Variants in GYG2 observed in about 807,000 individuals in gnomAD.
GYG2 encodes glycogenin 2.
A neutral mutation model predicts 29.4 loss-of-function variants in GYG2; 29 were observed. The observed-to-expected ratio is 0.99, with a 90% CI of 0.74 to 1.35. GYG2 has a LOEUF of 1.35. Ranked by LOEUF, GYG2 falls within the 40% of genes most tolerant of loss-of-function variation. The probability of loss-of-function intolerance (pLI) is 0.00; values close to 1 mark genes in which losing one functional copy is unlikely to be tolerated. For missense variants in GYG2, 370 were observed against 385.7 expected (o/e 0.96, Z 0.34); for synonymous variants, 167 against 172.3 (o/e 0.97, Z 0.24).
chrX:2,878,238 T>C (rs1569076951), intron 10 of GYG2: 15 of 721,647 alleles, frequency 2.1e-5, no homozygotes, highest in Non-Finnish European at 2.3e-5. Flanking sequence ...AGCCATGTGG[T>C]AGGTTTGGGA....
At position 2,830,320 on chromosome X, in the gene GYG2, TAC is replaced by T. The variant is rs745362207; in HGVS notation, c.7+126_7+127del. ...TGCCCCAAACCCCGAGTCTCCCCCT[TAC>T]TGCCTCGCCCAGGTCTCTCTGGGGC... On this transcript the variant is annotated intron_variant, in intron 2 of 10. Transcript: ENST00000398806. The T allele has an allele frequency of 5.0e-5, 30 of 604,765 alleles. No homozygotes were observed. The East Asian group carries it at 1.1e-3, about 22-fold the overall frequency. The allele number at this position is 604,765 out of a possible 1,213,427, so 49.8% of individuals were successfully genotyped here.
At chrX:2,850,167 G>T (rs2087837613) in intron 3 of GYG2, among the ~76,000 whole-genome samples, 1 of 110,586 alleles carries the variant, frequency 9.0e-6, no homozygotes, top group African/African-American at 3.3e-5. Flanking sequence ...ATAGAAGAGA[G>T]CACACAGGAA....
rs190307550 is a variant in GYG2 at position 2,853,922 on chromosome X, G to T, written c.150-58G>T. 1.8e-5 allele frequency: 15 copies of T among 832,102 alleles called. No individual in the cohort carries two copies. In the East Asian group the frequency reaches 4.7e-4, roughly 26 times the overall value. 68.6% of individuals were successfully genotyped at this position (832,102 alleles called of 1,213,427 possible). On this transcript the variant is annotated intron_variant, in intron 3 of 10. Transcript: ENST00000398806. ...AAACAGCACCCTCTTGAAGGAGGAG[G>T]TGGTTCTGTGCTGAATATTCACCCG...
At chrX:2,854,232 T>TG in intron 4 of GYG2, 78 bp downstream of exon 4, 1 of 732,392 alleles carries the variant, frequency 1.4e-6, no homozygotes, top group Non-Finnish European at 2.0e-6. Context: ...CAACTTTTTT[T>TG]TGTGTGTGTG....
At chrX:2,877,162 G>C in intron 9 of GYG2, 38 bp from the exon 10 acceptor site, 10 of 1,201,897 alleles carry the variant, frequency 8.3e-6, no homozygotes, top group Non-Finnish European at 1.1e-5. Flanking sequence ...GTTCCCTGCA[G>C]CCCACCGCAG....
intron 2 of GYG2, among the ~76,000 whole-genome samples, chrX:2,837,336 A>T (rs766762159): frequency 2.3e-3 from 255 of 112,176 alleles, no homozygotes; most frequent in Non-Finnish European, 4.0e-3. Flanking sequence ...GGCACGCTAA[A>T]TATTCTGCAA....
chrX:2,843,330 C>G lies in GYG2; in HGVS notation c.125C>G (p.Thr42Ser). Residue 42 changes from threonine to serine, a missense_variant, in exon 3 of 11, where the codon ACT (threonine) becomes AGT (serine). Coordinates refer to ENST00000398806, the MANE Select transcript of GYG2 (RefSeq NM_001079855.2). ...RLTRKLVVLITPQVSSLLRVI... is the reference protein window; with the variant it reads ...RLTRKLVVLISPQVSSLLRVI... Reference sequence around the variant, plus strand: ...ACGAGGAAGCTGGTGGTGTTGATCACTCCTCAGGTGTCCAGCCTGCTCAGG... The same window carrying G: ...ACGAGGAAGCTGGTGGTGTTGATCAGTCCTCAGGTGTCCAGCCTGCTCAGG... 1.7e-6 allele frequency: 2 copies of G among 1,201,164 alleles called. No homozygotes were observed. The highest frequency in any genetic ancestry group is 2.3e-6 in the Non-Finnish European group (2 of 887,878).
chrX:2,835,149 G>A (rs773523496), intron 2 of GYG2, among the ~76,000 whole-genome samples: 34 of 111,772 alleles, frequency 3.0e-4, no homozygotes, highest in African/African-American at 1.1e-3. Flanking sequence ...CTGATTAGTC[G>A]AAAGAGTTAT....
intron 2 of GYG2, among the ~76,000 whole-genome samples, chrX:2,837,737 C>T (rs747346063): frequency 2.7e-4 from 30 of 110,972 alleles, no homozygotes; most frequent in Middle Eastern, 9.4e-3. Context: ...GTAAATGGCA[C>T]TTTATTTTCA....
intron 3 of GYG2, among the ~76,000 whole-genome samples, chrX:2,844,914 A>G (rs2087629635): frequency 9.4e-6 from 1 of 106,307 alleles, no homozygotes; most frequent in South Asian, 3.8e-4. Context: ...ACATGTATGT[A>G]TACCTGTATG....
At chrX:2,870,141 G>A (rs779218424) in intron 8 of GYG2, among the ~76,000 whole-genome samples, 2 of 106,746 alleles carry the variant, frequency 1.9e-5, no homozygotes, top group South Asian at 8.3e-4. Context: ...TACTCTTTTT[G>A]TAGTGCATCT....
chrX:2,882,129 C>T lies in GYG2; in HGVS notation c.*916C>T, dbSNP rs2088731438. The T allele has an allele frequency of 9.1e-6, 1 of 110,385 alleles. No individual in the cohort carries two copies. Among genetic ancestry groups the T allele is most frequent in the African/African-American group, 3.3e-5 (1 of 30,274 alleles). 9.1% of individuals were successfully genotyped at this position (110,385 alleles called of 1,213,427 possible). The stretch of plus-strand genomic sequence containing the variant: ...CCAGAGAATTCTCAGTTTTATGAGA[C>T]GGGAAACTTTATTTCACGAGAAAGC... On this transcript the variant is annotated 3_prime_UTR_variant, in exon 11 of 11. Transcript: ENST00000398806.
At chrX:2,875,753 T>A in intron 8 of GYG2, 57 bp from the exon 9 acceptor site, 1 of 748,350 alleles carries the variant, frequency 1.3e-6, no homozygotes, top group Non-Finnish European at 2.1e-6. Flanking sequence ...TCAATTAAGT[T>A]GCATTTATTT....
At chrX:2,856,956 CATCTGTTTATCTATCTATCTATCT>C (rs759739424) in intron 6 of GYG2, among the ~76,000 whole-genome samples, 19 of 101,591 alleles carry the variant, frequency 1.9e-4, no homozygotes, top group South Asian at 4.4e-4. Flanking sequence ...TAGGCCTAGA[CATCTGTTTATCTATCTATCTATCT>C]ATCTATCTAT....
chrX:2,870,868 G>C (rs1236099586), intron 8 of GYG2, among the ~76,000 whole-genome samples: 1 of 111,714 alleles, frequency 9.0e-6, no homozygotes, highest in Non-Finnish European at 1.9e-5. Context: ...AATTTTGCTT[G>C]CTCTTGATTT....
In GYG2 at chrX:2,881,488, A is replaced by T; in HGVS notation, c.*275A>T. The T allele has an allele frequency of 3.8e-6, 1 of 260,673 alleles. No homozygotes were observed. The highest frequency in any genetic ancestry group is 6.2e-5 in the Admixed American group (1 of 16,098). 21.5% of individuals were successfully genotyped at this position (260,673 alleles called of 1,213,427 possible). A position where few individuals can be genotyped will look rare whatever the true frequency, so the allele number is the denominator to read the frequency against. ...GTCGGCAAAAGCGAGCAGTAATAACATTCTAGTAGACTCTCGATGGTGGTC... is the reference window on the plus strand; with the variant it reads ...GTCGGCAAAAGCGAGCAGTAATAACTTTCTAGTAGACTCTCGATGGTGGTC... On this transcript the variant is annotated 3_prime_UTR_variant, in exon 11 of 11. Transcript: ENST00000398806.
intron 10 of GYG2, among the ~76,000 whole-genome samples, chrX:2,880,761 A>G (rs888157029): frequency 2.7e-5 from 3 of 110,629 alleles, no homozygotes; most frequent in African/African-American, 6.6e-5. Context: ...TACAAAAATC[A>G]GCTGGGCATG....
At chrX:2,850,735 A>AC (rs934191511) in intron 3 of GYG2, among the ~76,000 whole-genome samples, 5 of 108,828 alleles carry the variant, frequency 4.6e-5, no homozygotes, top group Non-Finnish European at 1.9e-5. Flanking sequence ...GCACCTTTCG[A>AC]CCCCCACTCC....
At chrX:2,871,022 A>G (rs1439593705) in intron 8 of GYG2, among the ~76,000 whole-genome samples, 2 of 108,360 alleles carry the variant, frequency 1.8e-5, no homozygotes, top group Non-Finnish European at 3.8e-5. Context: ...TTTTTAATTC[A>G]TGTGATTTGA....
Sources: gnomAD v4.1 joint callset for allele counts (sites outside exome capture counted in the v4.1 genomes callset) on GRCh38, gnomAD v4.1.1 for gene constraint, MANE v1.5 for transcripts, NCBI Gene and HGNC (gene_info 2026-07-23, HGNC 2026-07-21) for gene names.